The following CDH10 variants were observed in gnomAD, a reference collection of about 807,000 sequenced individuals.
CDH10 encodes the protein cadherin 10, also known as cadherin-10.
Under a neutral mutation model 73.1 loss-of-function variants are expected in CDH10, and 30 were observed. That is an observed-to-expected ratio of 0.41 (90% CI 0.31 to 0.56). CDH10 has a LOEUF of 0.56. CDH10 is among the 20% of genes least tolerant of loss of function. The probability of loss-of-function intolerance (pLI) is 0.27; values close to 1 mark genes in which losing one functional copy is unlikely to be tolerated. For missense variants in CDH10, 815 were observed against 973.7 expected, an observed-to-expected ratio of 0.84 and a Z score of 2.17; for synonymous variants, 345 against 348.2, an observed-to-expected ratio of 0.99 and a Z score of 0.10.
Position 24,533,662 on chromosome 5 carries a change from G to A in CDH10, c.814+1450C>T, listed in dbSNP as rs1169652221. On this transcript the variant is annotated intron_variant, in intron 5 of 11. Coordinates refer to ENST00000264463, the MANE Select transcript of CDH10 (RefSeq NM_006727.5). Reference sequence around the variant, plus strand: ...TTGCATGTTCATTCTCCTGGTAAAAGGCTCGAGCTAAGAGGTGGTCAAAAA... The same window carrying A: ...TTGCATGTTCATTCTCCTGGTAAAAAGCTCGAGCTAAGAGGTGGTCAAAAA... Among the ~76,000 whole-genome samples the A allele has an allele frequency of 3.3e-5, 5 of 151,950 alleles. No homozygotes were observed. The South Asian group carries it at 6.2e-4, about 19-fold the overall frequency.
At chr5:24,617,270 G>A (rs1238078767) in intron 1 of CDH10, among the ~76,000 whole-genome samples, 1 of 152,034 alleles carries the variant, frequency 6.6e-6, no homozygotes, top group East Asian at 1.9e-4. Context: ...ACAAAAAAAT[G>A]TCTCCAGATA....
intron 5 of CDH10, among the ~76,000 whole-genome samples, chr5:24,533,182 T>C (rs1279739221): frequency 6.6e-6 from 1 of 151,922 alleles, no homozygotes; most frequent in East Asian, 1.9e-4. Flanking sequence ...CAAAAATTAT[T>C]TGGGCATGGT....
At chr5:24,601,983 A>C in intron 1 of CDH10, among the ~76,000 whole-genome samples, 1 of 152,008 alleles carries the variant, frequency 6.6e-6, no homozygotes, top group Admixed American at 6.6e-5. Flanking sequence ...ATGACCACCC[A>C]CTTTAACAAA....
chr5:24,580,852 G>T (rs1745774227), intron 2 of CDH10, among the ~76,000 whole-genome samples: 1 of 152,094 alleles, frequency 6.6e-6, no homozygotes, highest in South Asian at 2.1e-4. Context: ...GCATTCTGTG[G>T]CTTGTGTCCC....
At chr5:24,554,761 A>G (rs918860603) in intron 2 of CDH10, among the ~76,000 whole-genome samples, 14 of 152,082 alleles carry the variant, frequency 9.2e-5, no homozygotes, top group Admixed American at 5.9e-4. Context: ...TGGTTTTAAA[A>G]TCTCATAATA....
chr5:24,506,380 C>T (rs997822671), intron 7 of CDH10, among the ~76,000 whole-genome samples: 1 of 152,132 alleles, frequency 6.6e-6, no homozygotes, highest in Non-Finnish European at 1.5e-5. Flanking sequence ...TTAAGAAAAT[C>T]ATTGTGTCTC....
rs1200975487 is a variant in CDH10, at chr5:24,569,064, C to T, written c.231+24196G>A. Among the ~76,000 whole-genome samples the T allele has an allele frequency of 4.6e-5, 7 of 151,584 alleles. No homozygotes were observed. The East Asian group carries it at 1.2e-3, about 25-fold the overall frequency. ...GGCGGAGCTTGCATTGAGCCGAGAT[C>T]GCATCACTGCACTCCAGCCTGGGCA... On this transcript the variant is annotated intron_variant, in intron 2 of 11. Transcript: ENST00000264463.
intron 5 of CDH10, among the ~76,000 whole-genome samples, chr5:24,515,602 G>A (rs1221782360): frequency 6.6e-6 from 1 of 152,110 alleles, no homozygotes; most frequent in Non-Finnish European, 1.5e-5. Context: ...TCCTGACTTT[G>A]TTCAAATTTC....
intron 9 of CDH10, among the ~76,000 whole-genome samples, chr5:24,497,015 G>A (rs1348933220): frequency 2.6e-5 from 4 of 152,026 alleles, no homozygotes; most frequent in African/African-American, 9.7e-5. Flanking sequence ...GGTCAAGATA[G>A]GCTAATTCCC....
chr5:24,554,763 C>A (rs1378617872), intron 2 of CDH10, among the ~76,000 whole-genome samples: 1 of 151,994 alleles, frequency 6.6e-6, no homozygotes, highest in Non-Finnish European at 1.5e-5. Flanking sequence ...GTTTTAAAAT[C>A]TCATAATAAT....
chr5:24,605,368 A>G (rs1004297836), intron 1 of CDH10, among the ~76,000 whole-genome samples: 1 of 152,114 alleles, frequency 6.6e-6, no homozygotes, highest in African/African-American at 2.4e-5. Context: ...GGGAGGGGGG[A>G]TTAGCTTCTC....
At chr5:24,519,566 A>G (rs1743235857) in intron 5 of CDH10, among the ~76,000 whole-genome samples, 2 of 152,146 alleles carry the variant, frequency 1.3e-5, no homozygotes, top group Admixed American at 6.6e-5. Flanking sequence ...AACAACTTAC[A>G]GTGGAGGAAA....
intron 1 of CDH10, among the ~76,000 whole-genome samples, chr5:24,642,435 C>G (rs1466875115): frequency 3.3e-5 from 5 of 152,078 alleles, no homozygotes; most frequent in African/African-American, 1.2e-4. Context: ...TTGGAATTAA[C>G]CTTTCCAGTT....
At chr5:24,630,452 T>C (rs896909589) in intron 1 of CDH10, among the ~76,000 whole-genome samples, 3 of 151,072 alleles carry the variant, frequency 2.0e-5, no homozygotes, top group African/African-American at 7.3e-5. Context: ...ATGTGAGAGG[T>C]TGAGGCATGA....
At chr5:24,500,343 T>C (rs956582991) in intron 8 of CDH10, among the ~76,000 whole-genome samples, 1 of 152,232 alleles carries the variant, frequency 6.6e-6, no homozygotes, top group Non-Finnish European at 1.5e-5. Flanking sequence ...AATCGAAGTG[T>C]ATTTATCACT....
intron 6 of CDH10, 32 bp downstream of exon 6, chr5:24,511,295 C>A (rs2111762841): frequency 7.1e-7 from 1 of 1,405,750 alleles, no homozygotes; most frequent in Non-Finnish European, 1.0e-6. Context: ...TCCTGAAACA[C>A]ACAGATGCTT....
At chr5:24,578,531 AC>A (rs1745680492) in intron 2 of CDH10, 1 of 308,860 alleles carries the variant, frequency 3.2e-6, no homozygotes, top group Non-Finnish European at 6.5e-6. Context: ...ATCCATTAGA[AC>A]TGCTGGAAAC....
chr5:24,560,964 T>C (rs1010808260), intron 2 of CDH10, among the ~76,000 whole-genome samples: 7 of 152,116 alleles, frequency 4.6e-5, no homozygotes, highest in African/African-American at 1.7e-4. Context: ...TTAGCTAAAT[T>C]GATAGATATT....
chr5:24,616,312 A>C (rs905758690), intron 1 of CDH10, among the ~76,000 whole-genome samples: 1 of 152,132 alleles, frequency 6.6e-6, no homozygotes, highest in Non-Finnish European at 1.5e-5. Context: ...AAGAACCAGA[A>C]ATTTGTTTTT....
Sources: allele counts gnomAD v4.1 joint callset (sites outside exome capture counted in the v4.1 genomes callset), GRCh38; gene constraint gnomAD v4.1.1; transcripts MANE v1.5; gene names NCBI Gene and HGNC (gene_info 2026-07-23, HGNC 2026-07-21).